SNRNP70: variants seen among roughly 807,000 people sequenced by gnomAD.
The protein encoded by SNRNP70 is small nuclear ribonucleoprotein U1 subunit 70, also known as U1 small nuclear ribonucleoprotein 70 kDa.
SNRNP70 carries 8 observed loss-of-function variants against 50.5 expected under a neutral mutation model. That is an observed-to-expected ratio of 0.16 (90% CI 0.09 to 0.29). The LOEUF (loss-of-function observed/expected upper bound fraction) is 0.29. Among genes scored for constraint, SNRNP70 ranks in the 10% least tolerant of loss-of-function variants. The pLI is 1.00. For synonymous variants in SNRNP70, 320 were observed against 252.9 expected (o/e 1.27, Z -2.52); for missense variants, 529 against 663.5 (o/e 0.80, Z 2.23).
chr19:49,092,811 G>A (rs1285857786), intron 4 of SNRNP70, among the ~76,000 whole-genome samples: 1 of 151,964 alleles, frequency 6.6e-6, no homozygotes, highest in Non-Finnish European at 1.5e-5. Flanking sequence ...ATGTTGCCCA[G>A]GCTGGTCTTG....
At position 49,108,395 on chromosome 19, in the gene SNRNP70, C is replaced by T. The variant is rs973560190; in HGVS notation, c.1266C>T (p.Gly422=). ...ACATGGAGTCTGAGGGCGGCGACGG[C>T]TACCTGGCTCCGGAGAATGGGTATT... ...DMYMESEGGD[G]YLAPENGYLM... The change falls in exon 10 of 10, where the codon GGC becomes GGT. Residue 422 remains glycine (G), a synonymous_variant. Coordinates refer to ENST00000598441, the MANE Select transcript of SNRNP70 (RefSeq NM_003089.6). The T allele has an allele frequency of 1.2e-5, 20 of 1,611,108 alleles. No individual in the cohort carries two copies. Among genetic ancestry groups the T allele is most frequent in the Admixed American group, 8.4e-5 (5 of 59,732 alleles).
intron 7 of SNRNP70, 122 bp downstream of exon 7, chr19:49,101,593 T>A: frequency 1.5e-6 from 1 of 673,968 alleles, no homozygotes; most frequent in Non-Finnish European, 2.7e-6. Flanking sequence ...TCTCTTCTCC[T>A]CCTCCCTCTG....
Position 49,107,794 on chromosome 19 carries a change from G to C in SNRNP70, c.666-1G>C, listed in dbSNP as rs1315222890. 6.2e-7 allele frequency: 1 copy of C among 1,607,744 alleles called. No individual in the cohort carries two copies. The highest frequency in any genetic ancestry group is 1.3e-5 in the African/African-American group (1 of 74,966). ...CACACAGGTCTGCCCACCTCATCCA[G>C]GCCCGGCCCCTCCCCGCTTCCGCAC... On this transcript the variant is annotated splice_acceptor_variant, in intron 9 of 9. Coordinates refer to ENST00000598441, the MANE Select transcript of SNRNP70 (RefSeq NM_003089.6). LOFTEE classifies it high-confidence loss of function. The surrounding 1 kb of genome is among the most constrained non-coding windows in gnomAD (Gnocchi z 6.0).
chr19:49,093,678 C>CAAAAA (rs1270724114), intron 4 of SNRNP70, among the ~76,000 whole-genome samples: 20 of 64,172 alleles, frequency 3.1e-4, no homozygotes, highest in African/African-American at 5.2e-4. Flanking sequence ...GATTCCATCT[C>CAAAAA]AAAAAAAAAA....
chr19:49,103,227 G>A (rs1047445016), intron 7 of SNRNP70: 4 of 152,500 alleles, frequency 2.6e-5, no homozygotes, highest in Non-Finnish European at 4.4e-5. Flanking sequence ...AAATTCACAC[G>A]AGATAGTCCA....
At chr19:49,098,385 A>G (rs773977725) in intron 4 of SNRNP70, 42 bp from the exon 5 acceptor site, 5 of 1,525,778 alleles carry the variant, frequency 3.3e-6, no homozygotes, top group African/African-American at 2.8e-5. Context: ...ACCTGAGACC[A>G]TGGACACCTT....
At chr19:49,106,164 T>C (rs1470802870) in intron 8 of SNRNP70, among the ~76,000 whole-genome samples, 1 of 152,158 alleles carries the variant, frequency 6.6e-6, no homozygotes, top group Admixed American at 6.5e-5. Flanking sequence ...TTACCAGGCA[T>C]GTTCTTACCT....
chr19:49,095,259 T>C (rs2040498309), intron 4 of SNRNP70, among the ~76,000 whole-genome samples: 1 of 152,258 alleles, frequency 6.6e-6, no homozygotes, highest in Admixed American at 6.5e-5. Context: ...CAGCTGTTGT[T>C]TGGCCTTCGT....
Position 49,085,614 on chromosome 19 carries a change from CAGAG to C in SNRNP70, c.-32_-29del, listed in dbSNP as rs2122292265. On this transcript the variant is annotated 5_prime_UTR_variant, in exon 1 of 10. Coordinates refer to ENST00000598441, the MANE Select transcript of SNRNP70 (RefSeq NM_003089.6). ...CCGCCGCGAGCCTCCGGACAGACGC[CAGAG>C]CGAGGAGGGCGCTACGCGGTGAGTG... 6 of 456,084 alleles carry C rather than the reference CAGAG, an allele frequency of 1.3e-5. No individual in the cohort carries two copies. Among genetic ancestry groups the C allele is most frequent in the South Asian group, 9.3e-5 (6 of 64,560 alleles). The allele number at this position is 456,084 out of a possible 1,614,324, so 28.3% of individuals were successfully genotyped here.
chr19:49,108,184 G>C lies in SNRNP70; in HGVS notation c.1055G>C (p.Arg352Pro). Residue 352 changes from arginine (R) to proline (P), a missense_variant, in exon 10 of 10, where the codon CGG (arginine) becomes CCG (proline). This residue lies in a region of SNRNP70 where 327 missense variants were observed against 308.8 expected (regional missense o/e 1.06). Coordinates refer to ENST00000598441, the MANE Select transcript of SNRNP70 (RefSeq NM_003089.6). ...GAGGAAAAGGGCCGGGATCGTGACC[G>C]GGAGCGACGGCGGAGCCACCGGAGC... Reference protein sequence around the residue: ...GPEEKGRDRDRERRRSHRSER... With the variant: ...GPEEKGRDRDPERRRSHRSER... The C allele has an allele frequency of 6.5e-7, 1 of 1,536,662 alleles. No homozygotes were observed. The highest frequency in any genetic ancestry group is 2.4e-5 in the East Asian group (1 of 41,058).
intron 2 of SNRNP70, 96 bp from the exon 3 acceptor site, chr19:49,090,195 G>T: frequency 2.0e-6 from 2 of 1,010,570 alleles, no homozygotes; most frequent in South Asian, 2.6e-5. Flanking sequence ...TGTAGGGGGT[G>T]GGGGTGGGAG....
At chr19:49,105,697 T>C (rs1488714461) in intron 8 of SNRNP70, among the ~76,000 whole-genome samples, 2 of 151,350 alleles carry the variant, frequency 1.3e-5, no homozygotes, top group Non-Finnish European at 2.9e-5. Flanking sequence ...CTGCATTCCA[T>C]CCAGCCTGGG....
At chr19:49,095,636 C>G (rs2040503648) in intron 4 of SNRNP70, among the ~76,000 whole-genome samples, 1 of 150,594 alleles carries the variant, frequency 6.6e-6, no homozygotes, top group South Asian at 2.1e-4. Flanking sequence ...CTCCCTGGTT[C>G]AAGCGATTCT....
rs1447642565 is a variant in SNRNP70, at chr19:49,086,513, C to T, written c.99C>T (p.His33=). ...PPLEKLPHEK[H]HNQPYCGIAP... is the part of the protein sequence containing the mutation. The stretch of plus-strand genomic sequence containing the variant: ...TGGAGAAACTGCCACATGAAAAACA[C>T]CACAATCAACCTTATTGTGGCATTG... Residue 33 remains histidine (H), a synonymous_variant, in exon 2 of 10, where the codon CAC becomes CAT. Transcript: ENST00000598441. 2.5e-6 allele frequency: 4 copies of T among 1,613,978 alleles called. No individual in the cohort carries two copies. Among genetic ancestry groups the T allele is most frequent in the South Asian group, 2.2e-5 (2 of 91,082 alleles).
rs548587887 is a variant in SNRNP70 at position 49,104,363 on chromosome 19, G to T, written c.476-271G>T. 2 of 424,694 alleles carry T rather than the reference G, an allele frequency of 4.7e-6. No homozygotes were observed. The highest frequency in any genetic ancestry group is 8.7e-5 in the East Asian group (2 of 22,936). The allele number at this position is 424,694 out of a possible 1,614,324, so 26.3% of individuals were successfully genotyped here. A position where few individuals can be genotyped will look rare whatever the true frequency, so the allele number is the denominator to read the frequency against. ...TCCATCATGTGGGAGAGGAAGGGCC[G>T]GGGAGCCTAGGGGGTGGCGGGTGAG... is the stretch of plus-strand genomic sequence containing the variant. On this transcript the variant is annotated intron_variant, in intron 7 of 9. Coordinates refer to ENST00000598441, the MANE Select transcript of SNRNP70 (RefSeq NM_003089.6). This position sits in a 1 kb window ranked among gnomAD's most constrained non-coding sequence, Gnocchi z 5.4.
At chr19:49,093,189 C>T (rs1469694349) in intron 4 of SNRNP70, among the ~76,000 whole-genome samples, 1 of 151,888 alleles carries the variant, frequency 6.6e-6, no homozygotes, top group South Asian at 2.1e-4. Context: ...TCTGCCTCCC[C>T]GGTTCAAGCG....
chr19:49,091,185 G>A (rs535656783), intron 4 of SNRNP70, among the ~76,000 whole-genome samples: 158 of 152,068 alleles, frequency 1.0e-3, no homozygotes, highest in South Asian at 6.7e-3. Context: ...CCTGGCCAGC[G>A]TGGTGAAATC....
At chr19:49,103,385 AC>A (rs1568422457) in intron 7 of SNRNP70, 1 of 150,740 alleles carries the variant, frequency 6.6e-6, no homozygotes, top group Non-Finnish European at 1.5e-5. Flanking sequence ...GCTCCCTAGA[AC>A]CCCCCACTTC....
chr19:49,086,908 C>T (rs1040944362), intron 2 of SNRNP70, among the ~76,000 whole-genome samples: 1 of 151,542 alleles, frequency 6.6e-6, no homozygotes, highest in Non-Finnish European at 1.5e-5. Context: ...GGTTGTGGCC[C>T]GGTACGGTGG....
Sources: allele counts gnomAD v4.1 joint callset (sites outside exome capture counted in the v4.1 genomes callset), GRCh38; gene constraint gnomAD v4.1.1; regional missense constraint gnomAD v4.1.1; non-coding constraint Gnocchi (gnomAD v3.1); transcripts MANE v1.5; gene names NCBI Gene and HGNC (gene_info 2026-07-23, HGNC 2026-07-21).